Variants in OXR1 observed in about 807,000 individuals in gnomAD.
OXR1 encodes oxidation resistance 1, also known as oxidation resistance protein 1.
OXR1 carries 41 observed loss-of-function variants against 104.6 expected under a neutral mutation model. The observed-to-expected ratio is 0.39, with a 90% CI of 0.31 to 0.51. The LOEUF (loss-of-function observed/expected upper bound fraction) is 0.51, where lower values mean the gene tolerates loss of function less well. OXR1 is among the 20% of genes least tolerant of loss of function. The pLI is 0.77. For missense variants in OXR1, 955 were observed against 1,031.9 expected, an observed-to-expected ratio of 0.93 and a Z score of 1.02; for synonymous variants, 348 against 348.4, an observed-to-expected ratio of 1.00 and a Z score of 0.01.
At chr8:106,701,738 T>G (rs1371749873) in intron 7 of OXR1, among the ~76,000 whole-genome samples, 31 of 152,152 alleles carry the variant, frequency 2.0e-4, no homozygotes, top group Admixed American at 2.0e-3. Flanking sequence ...TAGGACAAGT[T>G]TCCAGGTGTT....
chr8:106,675,110 C>T (rs1252065382), intron 3 of OXR1, among the ~76,000 whole-genome samples: 1 of 151,946 alleles, frequency 6.6e-6, no homozygotes, highest in Admixed American at 6.6e-5. Flanking sequence ...TTTAATTTTC[C>T]AGGAAGATAT....
At chr8:106,722,187 G>T (rs769615539) in intron 11 of OXR1, among the ~76,000 whole-genome samples, 1 of 152,152 alleles carries the variant, frequency 6.6e-6, no homozygotes, top group East Asian at 1.9e-4. Flanking sequence ...TATGTTAAAC[G>T]CACAAAACCC....
intron 2 of OXR1, among the ~76,000 whole-genome samples, chr8:106,376,917 A>G (rs1459248465): frequency 3.9e-5 from 6 of 152,204 alleles, no homozygotes; most frequent in African/African-American, 1.2e-4. Context: ...AATTAATACA[A>G]GTATCCCCTA....
chr8:106,320,072 T>C (rs1411648409), intron 1 of OXR1, among the ~76,000 whole-genome samples: 1 of 152,172 alleles, frequency 6.6e-6, no homozygotes, highest in African/African-American at 2.4e-5. Context: ...GTAACTATGA[T>C]TGACATGTAA....
chr8:106,695,892 T>C (rs1829977395), intron 7 of OXR1, among the ~76,000 whole-genome samples: 1 of 152,160 alleles, frequency 6.6e-6, no homozygotes, highest in African/African-American at 2.4e-5. Flanking sequence ...AGAATTCATA[T>C]TTATACTCTC....
At chr8:106,586,971 T>C (rs1818679345) in intron 3 of OXR1, among the ~76,000 whole-genome samples, 1 of 152,200 alleles carries the variant, frequency 6.6e-6, no homozygotes, top group South Asian at 2.1e-4. Context: ...GGAAAATTTC[T>C]AGGATTTTTG....
intron 3 of OXR1, among the ~76,000 whole-genome samples, chr8:106,585,762 T>C (rs555477579): frequency 1.3e-5 from 2 of 152,158 alleles, no homozygotes; most frequent in South Asian, 4.1e-4. Context: ...CTTAAGTAAG[T>C]AAAAAATTGA....
Position 106,706,891 on chromosome 8 carries a change from C to T in OXR1, c.1370C>T (p.Ser457Leu), listed in dbSNP as rs759832362. Residue 457 changes from serine (S) to leucine (L), a missense_variant, in exon 9 of 17, where the codon TCG (serine) becomes TTG (leucine). Transcript: ENST00000517566. ...CAGGATTCTTTTCTTCATGAGAATT[C>T]GTTACACCAAGAAGAGAGTCAAAAA... ...SDQDSFLHEN[S>L]LHQEESQKEN... The T allele has an allele frequency of 6.2e-6, 10 of 1,611,492 alleles. No individual in the cohort carries two copies. Among genetic ancestry groups the T allele is most frequent in the Middle Eastern group, 1.7e-4 (1 of 6,052 alleles).
At chr8:106,629,781 G>A (rs529795521) in intron 3 of OXR1, among the ~76,000 whole-genome samples, 4 of 152,114 alleles carry the variant, frequency 2.6e-5, no homozygotes, top group Non-Finnish European at 5.9e-5. Context: ...CTAAGGAAGA[G>A]CGCAAACATT....
chr8:106,693,641 G>T (rs1829540372), intron 7 of OXR1, among the ~76,000 whole-genome samples: 1 of 151,966 alleles, frequency 6.6e-6, no homozygotes, highest in South Asian at 2.1e-4. Flanking sequence ...ATGTTGGTCA[G>T]GCTGGTCTTA....
chr8:106,603,968 G>A (rs1396049045), intron 3 of OXR1, among the ~76,000 whole-genome samples: 3 of 152,038 alleles, frequency 2.0e-5, no homozygotes, highest in Non-Finnish European at 4.4e-5. Context: ...CAGGAGACTC[G>A]CTTAAACCCA....
intron 1 of OXR1, among the ~76,000 whole-genome samples, chr8:106,342,954 C>A (rs1390546297): frequency 6.6e-6 from 1 of 152,184 alleles, no homozygotes; most frequent in Non-Finnish European, 1.5e-5. Context: ...TGAAACTAGA[C>A]AGCTTCCCTT....
chr8:106,660,717 T>A (rs1355435817), intron 3 of OXR1, among the ~76,000 whole-genome samples: 1 of 151,966 alleles, frequency 6.6e-6, no homozygotes, highest in East Asian at 1.9e-4. Context: ...CAGATAAAAT[T>A]TTGGTCAAAT....
chr8:106,632,761 CCT>C (rs1822799569), intron 3 of OXR1, among the ~76,000 whole-genome samples: 1 of 152,062 alleles, frequency 6.6e-6, no homozygotes, highest in South Asian at 2.1e-4. Flanking sequence ...CTGGCAAAAC[CCT>C]GTCTCTACCA....
chr8:106,518,366 T>C (rs1813004741), intron 2 of OXR1, among the ~76,000 whole-genome samples: 2 of 152,170 alleles, frequency 1.3e-5, no homozygotes, highest in Non-Finnish European at 2.9e-5. Flanking sequence ...AGCAGGGAAA[T>C]ATTTCCTGGA....
intron 1 of OXR1, among the ~76,000 whole-genome samples, chr8:106,293,965 AT>A (rs61559960): frequency 0.062 from 7,740 of 124,036 alleles, 241 homozygotes; most frequent in African/African-American, 0.12. Flanking sequence ...TGACAGTTTA[AT>A]TTTTTTTTTT....
chr8:106,679,289 TA>T lies in OXR1; in HGVS notation c.301del (p.Thr101LeufsTer8). 1 of 1,533,538 alleles carries T rather than the reference TA, an allele frequency of 6.5e-7. No homozygotes were observed. Among genetic ancestry groups the T allele is most frequent in the African/African-American group, 1.4e-5 (1 of 72,470 alleles). 95.0% of individuals were successfully genotyped at this position (1,533,538 alleles called of 1,614,324 possible). ...FQKPKGTIEY[T>X]VESRDSLNSI... ...AGAAACCTAAAGGGACTATTGAGTA[TA>T]CTGTAAGTTATTTGCTTTCGAAAAA... On this transcript the variant is annotated frameshift_variant and splice_region_variant, in exon 4 of 17. Coordinates refer to ENST00000517566, the MANE Select transcript of OXR1 (RefSeq NM_001198533.2). LOFTEE classifies it high-confidence loss of function.
chr8:106,579,632 A>G (rs373691972), intron 3 of OXR1, among the ~76,000 whole-genome samples: 1 of 152,110 alleles, frequency 6.6e-6, no homozygotes, highest in East Asian at 1.9e-4. Flanking sequence ...CACCATCCAG[A>G]CTTAAGAAAG....
At chr8:106,335,959 G>T (rs942017477) in intron 1 of OXR1, among the ~76,000 whole-genome samples, 1 of 152,104 alleles carries the variant, frequency 6.6e-6, no homozygotes, top group East Asian at 1.9e-4. Context: ...AGCCAGGTGT[G>T]GTGGTGGTTG....
Sources: allele counts gnomAD v4.1 joint callset (sites outside exome capture counted in the v4.1 genomes callset), GRCh38; gene constraint gnomAD v4.1.1; transcripts MANE v1.5; gene names NCBI Gene and HGNC (gene_info 2026-07-23, HGNC 2026-07-21).